GRIK2: variants seen among roughly 807,000 people sequenced by gnomAD.
GRIK2 encodes the protein glutamate ionotropic receptor kainate type subunit 2.
A neutral mutation model predicts 100.3 loss-of-function variants in GRIK2; 32 were observed. The observed-to-expected ratio is 0.32, with a 90% confidence interval of 0.24 to 0.43. The LOEUF (loss-of-function observed/expected upper bound fraction) is 0.43, where lower values mean the gene tolerates loss of function less well. GRIK2 is among the 20% of genes least tolerant of loss of function. The pLI, the probability that GRIK2 is intolerant of heterozygous loss-of-function variation, is 1.00. For synonymous variants in GRIK2, 417 were observed against 389.4 expected, an observed-to-expected ratio of 1.07 and a Z score of -0.83; for missense variants, 843 against 1,114.9, an observed-to-expected ratio of 0.76 and a Z score of 3.47.
chr6:101,474,443 T>C (rs574064986), intron 2 of GRIK2, among the ~76,000 whole-genome samples: 1 of 151,986 alleles, frequency 6.6e-6, no homozygotes, highest in African/African-American at 2.4e-5. Flanking sequence ...TCTTACTTAG[T>C]ATTGTGTTGT....
chr6:102,045,661 AAC>A (rs1770847840), intron 15 of GRIK2, among the ~76,000 whole-genome samples: 1 of 152,104 alleles, frequency 6.6e-6, no homozygotes, highest in Admixed American at 6.6e-5. Flanking sequence ...GAACTTTTAA[AAC>A]ACAATCATAA....
rs145863906 is a variant in GRIK2 at position 101,857,705 on chromosome 6, G to T, written c.1318-1582G>T. On this transcript the variant is annotated intron_variant, in intron 10 of 16. Coordinates refer to ENST00000369134, the MANE Select transcript of GRIK2 (RefSeq NM_021956.5). ...TAGCAGAACCAATTGTTGCACCTTG[G>T]TTTATTCATAGCAGCACAGTCTGCC... 1.1e-4 allele frequency among the ~76,000 whole-genome samples: 17 copies of T among 152,294 alleles called. No individual in the cohort carries two copies. In the East Asian group the frequency reaches 2.7e-3, roughly 24 times the overall value.
intron 10 of GRIK2, among the ~76,000 whole-genome samples, chr6:101,824,851 G>A (rs1365686609): frequency 7.9e-5 from 12 of 151,718 alleles, no homozygotes; most frequent in Non-Finnish European, 1.5e-4. Context: ...CCACAGATAC[G>A]GAAGGCTTAC....
Position 101,765,934 on chromosome 6 carries a change from C to CT in GRIK2, c.952-33707dup, listed in dbSNP as rs1332586375. Among the ~76,000 whole-genome samples the CT allele has an allele frequency of 3.3e-5, 5 of 151,866 alleles. No individual in the cohort carries two copies. The East Asian group carries it at 5.8e-4, about 18-fold the overall frequency. On this transcript the variant is annotated intron_variant, in intron 7 of 16. Transcript: ENST00000369134. Reference sequence around the variant, plus strand: ...ATGAGTCATTTATTTTTGTGGAATCCTTTTTTTATTGTATCACAAAGCCTA... The same window carrying CT: ...ATGAGTCATTTATTTTTGTGGAATCCTTTTTTTTATTGTATCACAAAGCCTA...
chr6:101,498,723 T>G (rs1214725913), intron 2 of GRIK2, among the ~76,000 whole-genome samples: 1 of 152,048 alleles, frequency 6.6e-6, no homozygotes, highest in African/African-American at 2.4e-5. Context: ...TTGTTTGTTT[T>G]TTTCTTGTAA....
chr6:101,419,653 A>G (rs1235302435), intron 2 of GRIK2, among the ~76,000 whole-genome samples: 1 of 152,230 alleles, frequency 6.6e-6, no homozygotes. Context: ...ACTGGGTGCC[A>G]TTAATTCCCC....
At chr6:101,421,739 G>A (rs1283569175) in intron 2 of GRIK2, among the ~76,000 whole-genome samples, 2 of 152,086 alleles carry the variant, frequency 1.3e-5, no homozygotes, top group Non-Finnish European at 2.9e-5. Flanking sequence ...GCATCACAAG[G>A]TTATTTGTTC....
chr6:101,640,347 A>G (rs1781226609), intron 4 of GRIK2, among the ~76,000 whole-genome samples: 1 of 152,198 alleles, frequency 6.6e-6, no homozygotes, highest in Non-Finnish European at 1.5e-5. Flanking sequence ...TGTGGCCAAG[A>G]GGATTGCTTT....
intron 7 of GRIK2, among the ~76,000 whole-genome samples, chr6:101,698,746 T>A (rs1772673838): frequency 6.6e-6 from 1 of 152,146 alleles, no homozygotes; most frequent in African/African-American, 2.4e-5. Context: ...ACTTGAAGAA[T>A]TATCAGTTTA....
intron 7 of GRIK2, among the ~76,000 whole-genome samples, chr6:101,795,120 G>A (rs1780204834): frequency 6.6e-6 from 1 of 152,012 alleles, no homozygotes; most frequent in African/African-American, 2.4e-5. Flanking sequence ...ATCCACCTCG[G>A]CCTCCCAAAG....
intron 7 of GRIK2, among the ~76,000 whole-genome samples, chr6:101,703,065 C>T (rs1773007820): frequency 6.6e-6 from 1 of 151,900 alleles, no homozygotes; most frequent in Middle Eastern, 3.4e-3. Context: ...CATTAATAGG[C>T]ATTCAATCAA....
chr6:101,647,481 A>G (rs1438904310), intron 4 of GRIK2, among the ~76,000 whole-genome samples: 1 of 151,988 alleles, frequency 6.6e-6, no homozygotes, highest in African/African-American at 2.4e-5. Context: ...AGGCTATAGA[A>G]GTGCACTTTA....
chr6:101,929,424 T>C (rs997455826), intron 14 of GRIK2, among the ~76,000 whole-genome samples: 1 of 152,202 alleles, frequency 6.6e-6, no homozygotes, highest in Non-Finnish European at 1.5e-5. Flanking sequence ...ATTTTCTTTC[T>C]GTGTTCACAG....
chr6:101,898,322 A>T (rs1787612389), intron 12 of GRIK2, among the ~76,000 whole-genome samples: 1 of 151,922 alleles, frequency 6.6e-6, no homozygotes, highest in Non-Finnish European at 1.5e-5. Context: ...CATTTGTATC[A>T]CTTGATTTGT....
intron 2 of GRIK2, among the ~76,000 whole-genome samples, chr6:101,539,499 T>G (rs3918497): frequency 0.34 from 51,300 of 151,626 alleles, 8,965 homozygotes; most frequent in South Asian, 0.46. Context: ...CATCTCAGAT[T>G]AATTGCCTAA....
At chr6:101,704,870 A>G (rs911184610) in intron 7 of GRIK2, among the ~76,000 whole-genome samples, 1 of 150,572 alleles carries the variant, frequency 6.6e-6, no homozygotes, top group Non-Finnish European at 1.5e-5. Flanking sequence ...TTTTTAAACT[A>G]TTAAGTTTCT....
chr6:101,809,021 A>G (rs1364224369), intron 9 of GRIK2, among the ~76,000 whole-genome samples: 4 of 151,556 alleles, frequency 2.6e-5, no homozygotes, highest in Non-Finnish European at 5.9e-5. Flanking sequence ...TATAAATAGT[A>G]TTTATAAATA....
In GRIK2 at chr6:101,622,061, T is replaced by C; in HGVS notation, c.228T>C (p.Leu76=). 1 of 1,602,878 alleles carries C rather than the reference T, an allele frequency of 6.2e-7. No homozygotes were observed. Among genetic ancestry groups the C allele is most frequent in the Non-Finnish European group, 8.5e-7 (1 of 1,169,960 alleles). Residue 76 remains leucine (L), a synonymous_variant, in exon 3 of 17, where the codon CTT becomes CTC. Transcript: ENST00000369134. The part of the protein sequence containing the change: ...RNRTLLPNTT[L]TYDTQKINLY... ...GAACATTGCTACCCAATACTACCCT[T>C]ACCTATGATACCCAGAAGATAAACC...
intron 5 of GRIK2, among the ~76,000 whole-genome samples, chr6:101,682,254 T>G (rs1454472686): frequency 6.6e-6 from 1 of 152,210 alleles, no homozygotes; most frequent in Admixed American, 6.5e-5. Flanking sequence ...CAAATTAAGA[T>G]GTGCTAATTT....
Sources: gnomAD v4.1 joint callset for allele counts (sites outside exome capture counted in the v4.1 genomes callset) on GRCh38, gnomAD v4.1.1 for gene constraint, MANE v1.5 for transcripts, NCBI Gene and HGNC (gene_info 2026-07-23, HGNC 2026-07-21) for gene names.